ASGR2: variants seen among roughly 807,000 people sequenced by gnomAD.
ASGR2 encodes asialoglycoprotein receptor 2.
ASGR2 carries 34 observed loss-of-function variants against 32.3 expected under a neutral mutation model. That is an observed-to-expected ratio of 1.05 (90% CI 0.80 to 1.40). The LOEUF is 1.40. Ranked by LOEUF, ASGR2 falls within the 40% of genes most tolerant of loss-of-function variation. ASGR2 has a pLI of 0.00. For missense variants in ASGR2, 385 were observed against 386.4 expected (o/e 1.00, Z 0.03); for synonymous variants, 143 against 150.0 (o/e 0.95, Z 0.34).
At chr17:7,111,640 A>G (rs1914669564) in intron 2 of ASGR2, among the ~76,000 whole-genome samples, 1 of 150,182 alleles carries the variant, frequency 6.7e-6, no homozygotes, top group Non-Finnish European at 1.5e-5. Flanking sequence ...TGGGCAACAG[A>G]GCGAGACTCC....
intron 2 of ASGR2, among the ~76,000 whole-genome samples, chr17:7,109,540 C>T (rs111640003): frequency 3.3e-5 from 5 of 152,138 alleles, no homozygotes; most frequent in African/African-American, 9.6e-5. Context: ...TCCTCCCCAG[C>T]GCCCTTTGCC....
chr17:7,101,775 G>A (rs374882904), intron 8 of ASGR2, 35 bp from the exon 9 acceptor site: 3 of 1,603,500 alleles, frequency 1.9e-6, no homozygotes, highest in Admixed American at 3.4e-5. Context: ...ACTCTGCCAC[G>A]GTGGTGAGAA....
rs1230104625 is a variant in ASGR2 at position 7,113,088 on chromosome 17, G to A, written c.124+1029C>T. Among the ~76,000 whole-genome samples, 1 of 151,996 alleles carries A rather than the reference G, an allele frequency of 6.6e-6. No individual in the cohort carries two copies. The highest frequency in any genetic ancestry group is 2.4e-5 in the African/African-American group (1 of 41,356). ...GTGGGAGGATGGCTTGAGCCCAGGAGTTCGAGGTTGCAGTGAGCTATGATC... is the reference window on the plus strand; with the variant it reads ...GTGGGAGGATGGCTTGAGCCCAGGAATTCGAGGTTGCAGTGAGCTATGATC... On this transcript the variant is annotated intron_variant, in intron 2 of 8. Transcript: ENST00000691900. The surrounding 1 kb of genome is among the most constrained non-coding windows in gnomAD (Gnocchi z 5.1).
chr17:7,106,168 A>T (rs1174759575), intron 7 of ASGR2, among the ~76,000 whole-genome samples: 1 of 152,166 alleles, frequency 6.6e-6, no homozygotes. Context: ...TACAGTCAAG[A>T]CTGAGAATCA....
chr17:7,110,011 T>C (rs1293287004), intron 2 of ASGR2, among the ~76,000 whole-genome samples: 1 of 152,114 alleles, frequency 6.6e-6, no homozygotes, highest in Non-Finnish European at 1.5e-5. Context: ...CCTGACTCTG[T>C]GGACTTCCTT....
chr17:7,105,637 C>T (rs952138365), intron 7 of ASGR2, among the ~76,000 whole-genome samples: 9 of 152,098 alleles, frequency 5.9e-5, no homozygotes, highest in Non-Finnish European at 8.8e-5. Flanking sequence ...TGAGATCATG[C>T]CACTGCACTC....
At chr17:7,109,601 G>A (rs980392666) in intron 2 of ASGR2, among the ~76,000 whole-genome samples, 5 of 151,818 alleles carry the variant, frequency 3.3e-5, no homozygotes, top group African/African-American at 7.3e-5. Flanking sequence ...CCCTCAGCCC[G>A]AGGTCATCTC....
Position 7,107,434 on chromosome 17 carries a change from C to CCACACACCATACCACA in ASGR2, c.410-133_410-118dup. 1 of 995,816 alleles carries CCACACACCATACCACA rather than the reference C, an allele frequency of 1.0e-6. No homozygotes were observed. Among genetic ancestry groups the CCACACACCATACCACA allele is most frequent in the South Asian group, 1.4e-5 (1 of 69,300 alleles). 61.7% of individuals were successfully genotyped at this position (995,816 alleles called of 1,614,324 possible). A position where few individuals can be genotyped will look rare whatever the true frequency, so the allele number is the denominator to read the frequency against. On this transcript the variant is annotated intron_variant, in intron 5 of 8. Transcript: ENST00000691900. This position sits in a 1 kb window ranked among gnomAD's most constrained non-coding sequence, Gnocchi z 5.0. ...ACACGTACACCATGCATAGACCACA[C>CCACACACCATACCACA]CACACACCATACCACACACACACCA...
intron 2 of ASGR2, among the ~76,000 whole-genome samples, chr17:7,109,402 T>C (rs1240818796): frequency 6.6e-6 from 1 of 151,984 alleles, no homozygotes; most frequent in Non-Finnish European, 1.5e-5. Context: ...AAATCCATAC[T>C]GGAACAGTCC....
Position 7,108,388 on chromosome 17 carries a change from C to T in ASGR2, c.337+74G>A. Reference sequence around the variant, plus strand: ...TGCACCCCCACGGCACCCCACACAGCCCTGTTGCAGACTCGGCACTGAGCC... The same window carrying T: ...TGCACCCCCACGGCACCCCACACAGTCCTGTTGCAGACTCGGCACTGAGCC... On this transcript the variant is annotated intron_variant, in intron 4 of 8. Coordinates refer to ENST00000691900, the MANE Select transcript of ASGR2 (RefSeq NM_001201352.2). This position sits in a 1 kb window ranked among gnomAD's most constrained non-coding sequence, Gnocchi z 4.9. The T allele has an allele frequency of 1.4e-6, 2 of 1,462,586 alleles. No homozygotes were observed. Among genetic ancestry groups the T allele is most frequent in the Non-Finnish European group, 1.9e-6 (2 of 1,078,594 alleles). The allele number at this position is 1,462,586 out of a possible 1,614,324, so 90.6% of individuals were successfully genotyped here.
In ASGR2 at chr17:7,107,560, CAT is replaced by C. The variant is rs35639752; in HGVS notation, c.410-245_410-244del. ...CACACACATCACATGCGTACACACACATATACCATACCGCACACACACAGACT... is the reference window on the plus strand; with the variant it reads ...CACACACATCACATGCGTACACACACATACCATACCGCACACACACAGACT... On this transcript the variant is annotated intron_variant, in intron 5 of 8. Coordinates refer to ENST00000691900, the MANE Select transcript of ASGR2 (RefSeq NM_001201352.2). The surrounding 1 kb of genome is among the most constrained non-coding windows in gnomAD (Gnocchi z 5.0). The C allele has an allele frequency of 0.34, 217,321 of 632,418 alleles. 39,520 individuals carry two copies. The highest frequency in any genetic ancestry group is 0.47 in the Admixed American group (18,294 of 38,870). 39.2% of individuals were successfully genotyped at this position (632,418 alleles called of 1,614,324 possible).
At chr17:7,101,767 T>C (rs1912853295) in intron 8 of ASGR2, 27 bp from the exon 9 acceptor site, 1 of 1,607,054 alleles carries the variant, frequency 6.2e-7, no homozygotes, top group Non-Finnish European at 8.5e-7. Context: ...AAACTCGGAC[T>C]CTGCCACGGT....
In ASGR2 at chr17:7,107,273, G is replaced by C. The variant is rs1466784736; in HGVS notation, c.454C>G (p.Leu152Val). Residue 152 changes from leucine to valine, a missense_variant, in exon 6 of 9, where the codon CTG becomes GTG. Leu to Val is a conservative substitution (Grantham distance 32). Transcript: ENST00000691900. This position sits in a 1 kb window ranked among gnomAD's most constrained non-coding sequence, Gnocchi z 5.0. ...LFHLKHFPVDLRFVACQMELL... is the reference protein window; with the variant it reads ...LFHLKHFPVDVRFVACQMELL... ...TCCATCTGGCAGGCCACGAAGCGCA[G>C]GTCCACGGGGAAGTGCTTCAGATGG... 2 of 1,613,926 alleles carry C rather than the reference G, an allele frequency of 1.2e-6. No homozygotes were observed. The highest frequency in any genetic ancestry group is 2.7e-5 in the African/African-American group (2 of 74,924).
At chr17:7,109,224 G>A (rs1030134852) in intron 2 of ASGR2, among the ~76,000 whole-genome samples, 8 of 151,994 alleles carry the variant, frequency 5.3e-5, no homozygotes, top group Admixed American at 6.6e-5. Context: ...GGGCAGACCC[G>A]GCCCTGCCTA....
Position 7,108,773 on chromosome 17 carries a change from T to C in ASGR2, c.240A>G (p.Gln80=), listed in dbSNP as rs770762287. 1.3e-5 allele frequency: 21 copies of C among 1,613,928 alleles called. No individual in the cohort carries two copies. Among genetic ancestry groups the C allele is most frequent in the Middle Eastern group, 1.6e-4 (1 of 6,082 alleles). ...CCTGCTGGCCCCCGTGACCCTCACTTTGGGACCCAGTCACACAGATGACCA... is the reference window on the plus strand; with the variant it reads ...CCTGCTGGCCCCCGTGACCCTCACTCTGGGACCCAGTCACACAGATGACCA... ...LLVVICVTGS[Q]SAQLQAELRS... is the part of the protein sequence containing the mutation. Residue 80 remains glutamine (Q), a splice_region_variant and synonymous_variant, in exon 3 of 9, where the codon CAA becomes CAG. Transcript: ENST00000691900. The surrounding 1 kb of genome is among the most constrained non-coding windows in gnomAD (Gnocchi z 4.9).
In ASGR2 at chr17:7,113,612, TAC is replaced by T. The variant is rs952085637; in HGVS notation, c.124+503_124+504del. On this transcript the variant is annotated intron_variant, in intron 2 of 8. Coordinates refer to ENST00000691900, the MANE Select transcript of ASGR2 (RefSeq NM_001201352.2). The surrounding 1 kb of genome is among the most constrained non-coding windows in gnomAD (Gnocchi z 5.1). ...ATACACAACATACACTCGCACAACA[TAC>T]ACACATGCACAAGATACACACACAA... Among the ~76,000 whole-genome samples the T allele has an allele frequency of 4.1e-5, 6 of 146,520 alleles. No individual in the cohort carries two copies. Among genetic ancestry groups the T allele is most frequent in the African/African-American group, 1.3e-4 (5 of 39,072 alleles).
intron 2 of ASGR2, among the ~76,000 whole-genome samples, chr17:7,112,814 C>CTAAG (rs1364109682): frequency 1.3e-5 from 2 of 152,044 alleles, no homozygotes; most frequent in Non-Finnish European, 2.9e-5. Flanking sequence ...AATCCCCTTC[C>CTAAG]TAAGCTCCAA....
intron 2 of ASGR2, among the ~76,000 whole-genome samples, chr17:7,110,281 C>A (rs1914456411): frequency 6.6e-6 from 1 of 152,068 alleles, no homozygotes; most frequent in Non-Finnish European, 1.5e-5. Flanking sequence ...CTGAGCACAG[C>A]CCCACCCTCC....
At chr17:7,103,186 A>G (rs76716366) in intron 7 of ASGR2, among the ~76,000 whole-genome samples, 2,539 of 152,288 alleles carry the variant, frequency 0.017, 78 homozygotes, top group African/African-American at 0.058. Context: ...TTGAAGGACA[A>G]TTGCCTAATT....
Sources: allele counts gnomAD v4.1 joint callset (sites outside exome capture counted in the v4.1 genomes callset), GRCh38; gene constraint gnomAD v4.1.1; non-coding constraint Gnocchi (gnomAD v3.1); transcripts MANE v1.5; gene names NCBI Gene and HGNC (gene_info 2026-07-23, HGNC 2026-07-21).